Variants in PFKFB3 observed in about 807,000 individuals in gnomAD.
PFKFB3 encodes 6-phosphofructo-2-kinase/fructose-2,6-bisphosphatase 3.
In PFKFB3, 33 loss-of-function variants were observed where a neutral mutation model predicts 68.0. The ratio of observed to expected loss-of-function variants is 0.49; its 90% confidence interval spans 0.37 to 0.65. PFKFB3 has a LOEUF of 0.65. PFKFB3 is among the 30% of genes least tolerant of loss of function. PFKFB3 has a pLI of 0.00. For missense variants in PFKFB3, 586 were observed against 712.2 expected, an observed-to-expected ratio of 0.82 and a Z score of 2.02; for synonymous variants, 315 against 288.2, an observed-to-expected ratio of 1.09 and a Z score of -0.94.
intron 1 of PFKFB3, 91 bp from the exon 2 acceptor site, chr10:6,213,532 G>A (rs1844367554): frequency 6.9e-7 from 1 of 1,451,998 alleles, no homozygotes; most frequent in Non-Finnish European, 9.3e-7. Flanking sequence ...CATTTTTGGT[G>A]AAATTCTTCA....
chr10:6,284,606 C>A, the PFKFB3 span, among the ~76,000 whole-genome samples: 1 of 152,072 alleles, frequency 6.6e-6, no homozygotes, highest in Non-Finnish European at 1.5e-5. Context: ...TGAAATTTAC[C>A]ATTTTAACTA....
intron 6 of PFKFB3, 142 bp from the exon 7 acceptor site, chr10:6,219,427 T>G: frequency 2.4e-6 from 2 of 830,340 alleles, no homozygotes; most frequent in Non-Finnish European, 3.9e-6. Flanking sequence ...AGCATCTTTC[T>G]CCCTTTCTCT....
chr10:6,179,849 G>A (rs541788957), intron 1 of PFKFB3, among the ~76,000 whole-genome samples: 3 of 152,250 alleles, frequency 2.0e-5, no homozygotes, highest in South Asian at 4.1e-4. Flanking sequence ...GGAGGGAGTG[G>A]TTGTTCCCAG....
downstream of PFKFB3, among the ~76,000 whole-genome samples, chr10:6,237,310 C>G (rs1261349772): frequency 6.6e-6 from 1 of 152,268 alleles, no homozygotes; most frequent in African/African-American, 2.4e-5. Flanking sequence ...CCGTCATCGT[C>G]CATACGGACC....
chr10:6,209,136 C>T (rs1420906278), intron 1 of PFKFB3, among the ~76,000 whole-genome samples: 5 of 152,184 alleles, frequency 3.3e-5, no homozygotes, highest in Non-Finnish European at 7.3e-5. Context: ...ATTGAAGTTC[C>T]GTGCCTGGGA....
chr10:6,174,623 T>G (rs778715398), intron 1 of PFKFB3, among the ~76,000 whole-genome samples: 28 of 152,006 alleles, frequency 1.8e-4, no homozygotes, highest in Admixed American at 5.9e-4. Context: ...GGAGACCCAG[T>G]GACTGGCGCA....
rs923768926 is a variant in PFKFB3, at chr10:6,235,383, G to C, written c.*2441G>C. On this transcript the variant is annotated 3_prime_UTR_variant, in exon 15 of 15. Coordinates refer to ENST00000379775, the MANE Select transcript of PFKFB3 (RefSeq NM_004566.4). ...GTTAATTGGTTTGGGAGCCTCCTAT[G>C]TGTGACTTATGACTTCTCTGTGTTC... The C allele has an allele frequency of 6.6e-6, 1 of 152,258 alleles. No individual in the cohort carries two copies. The highest frequency in any genetic ancestry group is 2.4e-5 in the African/African-American group (1 of 41,348). The allele number at this position is 152,258 out of a possible 1,614,324, so 9.4% of individuals were successfully genotyped here. A position where few individuals can be genotyped will look rare whatever the true frequency, so the allele number is the denominator to read the frequency against.
chr10:6,238,782 A>G (rs1393732165), downstream of PFKFB3, among the ~76,000 whole-genome samples: 2 of 151,936 alleles, frequency 1.3e-5, no homozygotes, highest in African/African-American at 4.8e-5. Flanking sequence ...ATGTGTTCTC[A>G]TTATTTAGCT....
In PFKFB3 at chr10:6,203,056, AC is replaced by A; in HGVS notation, c.-202del. On this transcript the variant is annotated 5_prime_UTR_variant, in exon 1 of 15. Transcript: ENST00000379775. ...CGTGCCGGGCATCCCCAGCCTCGCT[AC>A]CCTCGCAGCACACGTCGAGCCCCGC... is the stretch of plus-strand genomic sequence containing the variant. The A allele has an allele frequency of 7.2e-7, 1 of 1,384,530 alleles. No homozygotes were observed. Among genetic ancestry groups the A allele is most frequent in the Non-Finnish European group, 9.3e-7 (1 of 1,074,130 alleles). 85.8% of individuals were successfully genotyped at this position (1,384,530 alleles called of 1,614,324 possible).
intron 1 of PFKFB3, among the ~76,000 whole-genome samples, chr10:6,183,183 T>C (rs1355330092): frequency 6.6e-6 from 1 of 152,170 alleles, no homozygotes; most frequent in Non-Finnish European, 1.5e-5. Flanking sequence ...CACCCAGTTC[T>C]TCATTCTCAA....
intron 1 of PFKFB3, among the ~76,000 whole-genome samples, chr10:6,165,918 G>A (rs1261587805): frequency 6.6e-5 from 10 of 150,490 alleles, no homozygotes; most frequent in South Asian, 4.2e-4. Flanking sequence ...GGGTTCAAGC[G>A]ATTCTCTTCC....
intron 14 of PFKFB3, among the ~76,000 whole-genome samples, chr10:6,252,077 CTT>C (rs1462684580): frequency 6.6e-6 from 1 of 152,202 alleles, no homozygotes; most frequent in Non-Finnish European, 1.5e-5. Context: ...AACCTGGACA[CTT>C]TGTCTACACC....
the PFKFB3 span, among the ~76,000 whole-genome samples, chr10:6,315,678 G>C: frequency 2.0e-5 from 3 of 152,200 alleles, no homozygotes; most frequent in African/African-American, 7.2e-5. Context: ...TAGAGACAGA[G>C]TTTCACCATG....
chr10:6,157,139 A>G (rs1841828237), intron 1 of PFKFB3, among the ~76,000 whole-genome samples: 1 of 152,084 alleles, frequency 6.6e-6, no homozygotes. Context: ...CAATTCTGCC[A>G]GGCTTATTAG....
exon 15 of PFKFB3, chr10:6,254,548 C>T (rs974877926): frequency 1.3e-5 from 5 of 393,542 alleles, no homozygotes; most frequent in African/African-American, 2.1e-5. Context: ...AAGAGAGATA[C>T]GCATTTTGTA....
chr10:6,263,546 C>A, the PFKFB3 span, among the ~76,000 whole-genome samples: 1 of 152,224 alleles, frequency 6.6e-6, no homozygotes, highest in Non-Finnish European at 1.5e-5. Context: ...CCTGAATTTC[C>A]ATCTCTTTCT....
chr10:6,299,503 G>A, the PFKFB3 span, among the ~76,000 whole-genome samples: 3 of 152,294 alleles, frequency 2.0e-5, no homozygotes, highest in East Asian at 1.9e-4. Flanking sequence ...GGCTGCGGGA[G>A]GTGAACTTGA....
At chr10:6,294,114 A>G in the PFKFB3 span, 1 of 496,190 alleles carries the variant, frequency 2.0e-6, no homozygotes, top group Non-Finnish European at 4.1e-6. Flanking sequence ...AACCATGGTC[A>G]TATTTGCATG....
the PFKFB3 span, among the ~76,000 whole-genome samples, chr10:6,310,774 G>A: frequency 8.5e-5 from 13 of 152,222 alleles, no homozygotes; most frequent in African/African-American, 2.9e-4. Flanking sequence ...ATGTATGCTC[G>A]TAAATAAAGA....
Sources: gnomAD v4.1 joint callset for allele counts (sites outside exome capture counted in the v4.1 genomes callset) on GRCh38, gnomAD v4.1.1 for gene constraint, MANE v1.5 for transcripts, NCBI Gene and HGNC (gene_info 2026-07-23, HGNC 2026-07-21) for gene names.